Variants in PCED1B observed in about 807,000 individuals in gnomAD.
PCED1B encodes the protein PC-esterase domain-containing protein 1B.
For missense variants in PCED1B, 573 were observed against 573.9 expected (o/e 1.00, Z 0.02); for synonymous variants, 251 against 246.1 (o/e 1.02, Z -0.19).
chr12:47,189,236 A>G (rs944591876), intron 2 of PCED1B, among the ~76,000 whole-genome samples: 18 of 152,186 alleles, frequency 1.2e-4, no homozygotes, highest in Admixed American at 6.5e-5. Context: ...ATTGTTCAAG[A>G]CAGGGCCGCC....
chr12:47,144,518 A>G (rs951628256), intron 2 of PCED1B, among the ~76,000 whole-genome samples: 6 of 152,106 alleles, frequency 3.9e-5, no homozygotes, highest in African/African-American at 1.4e-4. Context: ...AAATTTTTCC[A>G]TTCTGCTTCT....
intron 2 of PCED1B, among the ~76,000 whole-genome samples, chr12:47,109,795 A>T (rs1237882062): frequency 6.6e-6 from 1 of 152,216 alleles, no homozygotes. Flanking sequence ...CTGCATCCTA[A>T]GGTCAGTTAA....
chr12:47,192,110 T>C (rs1475204310), intron 2 of PCED1B, among the ~76,000 whole-genome samples: 1 of 152,030 alleles, frequency 6.6e-6, no homozygotes. Context: ...ACTGTTTTCT[T>C]ATTTTATGTG....
intron 2 of PCED1B, among the ~76,000 whole-genome samples, chr12:47,171,931 T>G (rs889957407): frequency 4.6e-5 from 7 of 151,912 alleles, no homozygotes; most frequent in African/African-American, 1.7e-4. Context: ...CTCTTCTATA[T>G]GTATATGTAT....
intron 2 of PCED1B, among the ~76,000 whole-genome samples, chr12:47,148,877 T>C (rs1471608593): frequency 6.6e-6 from 1 of 152,236 alleles, no homozygotes; most frequent in Non-Finnish European, 1.5e-5. Context: ...TTTCAACATT[T>C]GTCACTCTTA....
At chr12:47,111,255 C>A (rs1441457154) in intron 2 of PCED1B, among the ~76,000 whole-genome samples, 1 of 152,170 alleles carries the variant, frequency 6.6e-6, no homozygotes, top group African/African-American at 2.4e-5. Context: ...CTAGGGGAAC[C>A]AACACCTGTA....
intron 2 of PCED1B, among the ~76,000 whole-genome samples, chr12:47,174,420 C>A (rs1057266227): frequency 0.015 from 2,160 of 142,354 alleles, 33 homozygotes; most frequent in Admixed American, 0.048. Context: ...AAAAAAAAAA[C>A]AAACAAAACA....
intron 2 of PCED1B, chr12:47,209,651 A>G (rs975953126): frequency 3.9e-5 from 6 of 152,234 alleles, no homozygotes; most frequent in African/African-American, 1.4e-4. Context: ...GTTATTGAAT[A>G]CTGTTATCAA....
chr12:47,135,828 T>C (rs1003016386), intron 2 of PCED1B: 3 of 477,786 alleles, frequency 6.3e-6, no homozygotes, highest in African/African-American at 5.9e-5. Context: ...CTCATGCTTC[T>C]CCTTGAGCAT....
intron 2 of PCED1B, among the ~76,000 whole-genome samples, chr12:47,197,238 C>CAAA (rs57095369): frequency 1.7e-4 from 10 of 58,592 alleles, no homozygotes; most frequent in East Asian, 1.2e-3. Context: ...GACTCTGTCT[C>CAAA]AAAAAAAAAA....
intron 3 of PCED1B, among the ~76,000 whole-genome samples, chr12:47,233,389 T>G: frequency 6.6e-6 from 1 of 152,200 alleles, no homozygotes. Flanking sequence ...CCACCCGCCT[T>G]GGCCTCCCAA....
chr12:47,092,473 A>C (rs939916466), intron 1 of PCED1B, among the ~76,000 whole-genome samples: 5 of 151,898 alleles, frequency 3.3e-5, no homozygotes, highest in Admixed American at 6.5e-5. Context: ...TGGAAATGAC[A>C]ATTTTATTTC....
chr12:47,089,461 C>CATGTGTGTATATATATATAT (rs1233280547), intron 1 of PCED1B, among the ~76,000 whole-genome samples: 1 of 63,398 alleles, frequency 1.6e-5, no homozygotes, highest in Non-Finnish European at 2.9e-5. Context: ...AAAAAAAATA[C>CATGTGTGTATATATATATAT]ATATATATAT....
chr12:47,163,934 C>T (rs563090264), intron 2 of PCED1B, among the ~76,000 whole-genome samples: 1 of 152,272 alleles, frequency 6.6e-6, no homozygotes, highest in South Asian at 2.1e-4. Context: ...AAACCCTCTA[C>T]TGTAACAACA....
chr12:47,103,690 C>A (rs947959887), intron 1 of PCED1B, among the ~76,000 whole-genome samples: 6 of 152,112 alleles, frequency 3.9e-5, no homozygotes, highest in African/African-American at 7.2e-5. Flanking sequence ...ATACCTGAGA[C>A]AGAATTGACT....
chr12:47,232,046 G>C (rs2137900665), intron 3 of PCED1B, among the ~76,000 whole-genome samples: 1 of 152,316 alleles, frequency 6.6e-6, no homozygotes. Context: ...TGCTTTTAGA[G>C]CGCAAGACCA....
intron 2 of PCED1B, among the ~76,000 whole-genome samples, chr12:47,149,492 G>C (rs1199727834): frequency 2.0e-5 from 3 of 152,168 alleles, no homozygotes; most frequent in African/African-American, 7.2e-5. Context: ...TTACACATTA[G>C]TAAATGGCCT....
chr12:47,234,577 C>A (rs989914616), intron 3 of PCED1B, among the ~76,000 whole-genome samples: 4 of 152,208 alleles, frequency 2.6e-5, no homozygotes, highest in Admixed American at 1.3e-4. Flanking sequence ...TCTCCATGTC[C>A]TTGCTTACTT....
intron 2 of PCED1B, among the ~76,000 whole-genome samples, chr12:47,140,827 A>G (rs1592192978): frequency 6.6e-6 from 1 of 152,182 alleles, no homozygotes; most frequent in Non-Finnish European, 1.5e-5. Flanking sequence ...TAGTTGACTA[A>G]TTTGTCCCCA....
Sources: allele counts gnomAD v4.1 joint callset (sites outside exome capture counted in the v4.1 genomes callset), GRCh38; gene constraint gnomAD v4.1.1; transcripts MANE v1.5; gene names NCBI Gene and HGNC (gene_info 2026-07-23, HGNC 2026-07-21).